The following DGKI variants were observed in gnomAD, a reference collection of about 807,000 sequenced individuals.
DGKI encodes diacylglycerol kinase iota.
Under a neutral mutation model 147.5 loss-of-function variants are expected in DGKI, and 55 were observed. That is an observed-to-expected ratio of 0.37 (90% CI 0.30 to 0.47). DGKI has a LOEUF of 0.47. Ranked by LOEUF, DGKI falls within the 20% of genes least tolerant of loss-of-function variation. The pLI is 1.00. For synonymous variants in DGKI, 469 were observed against 477.1 expected, an observed-to-expected ratio of 0.98 and a Z score of 0.22; for missense variants, 1,007 against 1,323.8, an observed-to-expected ratio of 0.76 and a Z score of 3.71.
At chr7:137,453,928 T>TG (rs1357872707) in intron 27 of DGKI, among the ~76,000 whole-genome samples, 4 of 151,958 alleles carry the variant, frequency 2.6e-5, no homozygotes, top group African/African-American at 9.7e-5. Context: ...TATCTTGTTT[T>TG]TTTTTTTTTT....
At chr7:137,698,253 C>A (rs1400454459) in intron 1 of DGKI, among the ~76,000 whole-genome samples, 1 of 151,882 alleles carries the variant, frequency 6.6e-6, no homozygotes, top group Non-Finnish European at 1.5e-5. Context: ...ATAATAATTT[C>A]TTGGGTACCC....
Position 137,609,103 on chromosome 7 carries a change from T to A in DGKI, c.1069-39A>T, listed in dbSNP as rs751269843. 8 of 1,566,518 alleles carry A rather than the reference T, an allele frequency of 5.1e-6. No individual in the cohort carries two copies. In the African/African-American group the frequency reaches 5.5e-5, roughly 11 times the overall value. On this transcript the variant is annotated intron_variant, in intron 9 of 32. Coordinates refer to ENST00000614521, the MANE Select transcript of DGKI (RefSeq NM_001321708.2). ...TCAGCACTGTTAGGATACACATCCA[T>A]GGCTTGAAAGGCAACCCCAAGGCAA...
intron 28 of DGKI, among the ~76,000 whole-genome samples, chr7:137,436,468 A>G (rs1813290472): frequency 1.3e-5 from 2 of 152,168 alleles, no homozygotes; most frequent in Admixed American, 6.5e-5. Flanking sequence ...GTACAGAGAA[A>G]TGGTTAAGAA....
intron 28 of DGKI, among the ~76,000 whole-genome samples, chr7:137,423,967 C>G (rs1208138893): frequency 6.6e-6 from 1 of 152,156 alleles, no homozygotes; most frequent in Non-Finnish European, 1.5e-5. Context: ...CTGCACCCAC[C>G]AACCCATCAT....
At chr7:137,794,708 C>T (rs1030744358) in intron 1 of DGKI, among the ~76,000 whole-genome samples, 4 of 152,160 alleles carry the variant, frequency 2.6e-5, no homozygotes, top group Non-Finnish European at 1.5e-5. Context: ...AGCTTTACTG[C>T]CTCAGTTGTG....
chr7:137,706,701 G>A (rs886915502), intron 1 of DGKI, among the ~76,000 whole-genome samples: 1 of 151,406 alleles, frequency 6.6e-6, no homozygotes, highest in African/African-American at 2.4e-5. Context: ...GCCTCCTGAG[G>A]AGCTGGGACT....
chr7:137,399,005 T>A (rs966312312), intron 30 of DGKI, among the ~76,000 whole-genome samples: 24 of 149,832 alleles, frequency 1.6e-4, no homozygotes, highest in Non-Finnish European at 2.2e-4. Context: ...GGGTTCCATT[T>A]TTTTTTTTTT....
intron 1 of DGKI, among the ~76,000 whole-genome samples, chr7:137,752,516 GGCAGATAGCCCAGC>G (rs1795531467): frequency 6.6e-6 from 1 of 152,198 alleles, no homozygotes; most frequent in African/African-American, 2.4e-5. Context: ...GAAATCCACA[GGCAGATAGCCCAGC>G]GCCGCACCTT....
At chr7:137,637,695 C>T (rs1395508529) in intron 6 of DGKI, among the ~76,000 whole-genome samples, 1 of 152,212 alleles carries the variant, frequency 6.6e-6, no homozygotes, top group East Asian at 1.9e-4. Flanking sequence ...AACTATTCAG[C>T]TCATATTTCT....
chr7:137,475,472 T>C (rs1175929970), intron 23 of DGKI, among the ~76,000 whole-genome samples: 4 of 152,222 alleles, frequency 2.6e-5, no homozygotes, highest in African/African-American at 9.6e-5. Context: ...CCCTTCCCCA[T>C]TCAATAGTAA....
At chr7:137,833,352 A>G (rs551011906) in intron 1 of DGKI, among the ~76,000 whole-genome samples, 116 of 152,328 alleles carry the variant, frequency 7.6e-4, no homozygotes, top group African/African-American at 2.6e-3. Context: ...AAGGAGGAAC[A>G]AATCATGTCT....
intron 13 of DGKI, among the ~76,000 whole-genome samples, chr7:137,585,901 C>T (rs147505433): frequency 6.6e-6 from 1 of 152,094 alleles, no homozygotes; most frequent in Non-Finnish European, 1.5e-5. Flanking sequence ...ACTGACAGCA[C>T]GATAGACTGT....
intron 28 of DGKI, among the ~76,000 whole-genome samples, chr7:137,418,767 C>T (rs1812452199): frequency 6.6e-6 from 1 of 152,090 alleles, no homozygotes; most frequent in African/African-American, 2.4e-5. Flanking sequence ...ATAAAAACTG[C>T]TAAACAAAGA....
At chr7:137,791,187 C>A (rs972084456) in intron 1 of DGKI, among the ~76,000 whole-genome samples, 6 of 152,140 alleles carry the variant, frequency 3.9e-5, no homozygotes, top group Non-Finnish European at 8.8e-5. Flanking sequence ...TTCTCTCTTT[C>A]CTTCTTATCC....
At chr7:137,453,050 G>A (rs1030568107) in intron 27 of DGKI, 20 of 152,146 alleles carry the variant, frequency 1.3e-4, no homozygotes, top group East Asian at 1.9e-4. Context: ...ACATTTCAAC[G>A]GTCTGCATCA....
At chr7:137,762,698 T>C (rs1476109725) in intron 1 of DGKI, among the ~76,000 whole-genome samples, 1 of 152,078 alleles carries the variant, frequency 6.6e-6, no homozygotes, top group African/African-American at 2.4e-5. Flanking sequence ...GTTCAATAGC[T>C]CTCCCCAAGC....
intron 1 of DGKI, among the ~76,000 whole-genome samples, chr7:137,691,984 A>G (rs1823631203): frequency 6.6e-6 from 1 of 152,048 alleles, no homozygotes; most frequent in South Asian, 2.1e-4. Context: ...GTCATTATGA[A>G]GATGGAGGCC....
intron 15 of DGKI, 116 bp downstream of exon 15, chr7:137,581,734 G>C: frequency 1.2e-6 from 1 of 842,902 alleles, no homozygotes; most frequent in African/African-American, 1.7e-5. Context: ...AGGTTAAAAT[G>C]AAACAACACT....
At chr7:137,841,828 C>T (rs368683560) in intron 1 of DGKI, among the ~76,000 whole-genome samples, 152 of 152,264 alleles carry the variant, frequency 1.0e-3, no homozygotes, top group African/African-American at 3.6e-3. Context: ...GAATTTGGCC[C>T]CATGAGGCAA....
Sources: gnomAD v4.1 joint callset for allele counts (sites outside exome capture counted in the v4.1 genomes callset) on GRCh38, gnomAD v4.1.1 for gene constraint, MANE v1.5 for transcripts, NCBI Gene and HGNC (gene_info 2026-07-23, HGNC 2026-07-21) for gene names.